COL21A1: variants seen among roughly 807,000 people sequenced by gnomAD.
COL21A1 encodes the protein collagen alpha-1(XXI) chain.
In COL21A1, 149 loss-of-function variants were observed where a neutral mutation model predicts 137.9. The ratio of observed to expected loss-of-function variants is 1.08; its 90% CI spans 0.95 to 1.24. The LOEUF is 1.24. Ranked by LOEUF, COL21A1 falls within the 50% of genes most tolerant of loss-of-function variation. COL21A1 has a pLI of 0.00. For synonymous variants in COL21A1, 456 were observed against 391.5 expected, an observed-to-expected ratio of 1.16 and a Z score of -1.95; for missense variants, 1,167 against 1,158.4, an observed-to-expected ratio of 1.01 and a Z score of -0.11.
chr6:56,150,401 C>T lies in COL21A1; in HGVS notation c.1434+6486G>A, dbSNP rs113285016. Among the ~76,000 whole-genome samples, 756 of 152,164 alleles carry T rather than the reference C, an allele frequency of 5.0e-3. 5 individuals are homozygous for T. The highest frequency in any genetic ancestry group is 0.017 in the African/African-American group (725 of 41,530). ...GGCGTGGTGGCGGGCGCTTGTAGTC[C>T]CAGCTACTGGAGAGGCTGAGGCAGG... On this transcript the variant is annotated intron_variant, in intron 10 of 29. Coordinates refer to ENST00000244728, the MANE Select transcript of COL21A1 (RefSeq NM_030820.4).
chr6:56,202,957 G>A (rs1385706566), intron 1 of COL21A1, among the ~76,000 whole-genome samples: 1 of 152,112 alleles, frequency 6.6e-6, no homozygotes, highest in African/African-American at 2.4e-5. Context: ...GGATTCCATT[G>A]GTGATTTTAA....
intron 1 of COL21A1, among the ~76,000 whole-genome samples, chr6:56,281,117 C>T (rs1162025333): frequency 6.6e-6 from 1 of 152,184 alleles, no homozygotes; most frequent in Non-Finnish European, 1.5e-5. Context: ...ATCTCAAACC[C>T]CTGTCTTCCC....
At chr6:56,190,547 T>A (rs1323434999) in intron 1 of COL21A1, among the ~76,000 whole-genome samples, 1 of 151,916 alleles carries the variant, frequency 6.6e-6, no homozygotes, top group African/African-American at 2.4e-5. Flanking sequence ...CTGAAACAAT[T>A]CCAAACAATA....
chr6:56,259,481 C>T (rs1176769542), intron 1 of COL21A1, among the ~76,000 whole-genome samples: 3 of 152,162 alleles, frequency 2.0e-5, no homozygotes, highest in Non-Finnish European at 4.4e-5. Flanking sequence ...TGGCTGCTTC[C>T]AAATGTTAGG....
At chr6:56,313,234 T>G (rs1233328881) in intron 1 of COL21A1, among the ~76,000 whole-genome samples, 1 of 152,000 alleles carries the variant, frequency 6.6e-6, no homozygotes, top group Non-Finnish European at 1.5e-5. Context: ...AGTCCTCCCT[T>G]ATTTGTGAGG....
intron 1 of COL21A1, among the ~76,000 whole-genome samples, chr6:56,234,451 A>G (rs994769284): frequency 6.6e-6 from 1 of 151,798 alleles, no homozygotes. Context: ...ATTTTCTTTC[A>G]ATATTTTGTC....
intron 16 of COL21A1, among the ~76,000 whole-genome samples, chr6:56,102,950 G>C (rs1314545672): frequency 6.6e-6 from 1 of 152,038 alleles, no homozygotes; most frequent in Non-Finnish European, 1.5e-5. Flanking sequence ...AATATTGGAG[G>C]AAAAAATGTT....
intron 1 of COL21A1, among the ~76,000 whole-genome samples, chr6:56,337,749 C>T (rs985493842): frequency 1.1e-4 from 17 of 152,310 alleles, no homozygotes; most frequent in Admixed American, 9.1e-4. Flanking sequence ...GGCTGTCTTC[C>T]TTGTGTGCTA....
chr6:56,142,003 G>GAA lies in COL21A1; in HGVS notation c.1435-22_1435-21dup. On this transcript the variant is annotated intron_variant, in intron 10 of 29. Coordinates refer to ENST00000244728, the MANE Select transcript of COL21A1 (RefSeq NM_030820.4). ...ATATCCCTAAAGAAAAATTTAAAAA[G>GAA]AAAAAAAATAATATTTCATCATATT... The GAA allele has an allele frequency of 6.8e-7, 1 of 1,466,868 alleles. No homozygotes were observed. Among genetic ancestry groups the GAA allele is most frequent in the Non-Finnish European group, 9.2e-7 (1 of 1,088,590 alleles). The allele number at this position is 1,466,868 out of a possible 1,614,324, so 90.9% of individuals were successfully genotyped here.
intron 22 of COL21A1, among the ~76,000 whole-genome samples, chr6:56,067,690 TC>T (rs2114075171): frequency 6.6e-6 from 1 of 151,814 alleles, no homozygotes; most frequent in African/African-American, 2.4e-5. Context: ...CTGAAAATCT[TC>T]CATTAAGCTA....
chr6:56,237,412 G>A (rs1228943662), intron 1 of COL21A1, among the ~76,000 whole-genome samples: 1 of 152,136 alleles, frequency 6.6e-6, no homozygotes, highest in Non-Finnish European at 1.5e-5. Flanking sequence ...TAAAATGAAA[G>A]AGTAGATAAA....
intron 1 of COL21A1, among the ~76,000 whole-genome samples, chr6:56,368,499 A>G (rs1331930836): frequency 2.6e-5 from 4 of 152,252 alleles, no homozygotes; most frequent in African/African-American, 9.6e-5. Context: ...TACAGTTAGA[A>G]GAAAATCTCG....
At chr6:56,357,414 G>A (rs933789884) in intron 1 of COL21A1, among the ~76,000 whole-genome samples, 1 of 152,152 alleles carries the variant, frequency 6.6e-6, no homozygotes, top group African/African-American at 2.4e-5. Context: ...GCTAACACTG[G>A]TAGCATGACT....
chr6:56,132,779 C>T (rs1051699063), intron 12 of COL21A1, among the ~76,000 whole-genome samples: 12 of 152,108 alleles, frequency 7.9e-5, no homozygotes, highest in African/African-American at 2.2e-4. Flanking sequence ...GGGTCTTTCA[C>T]GTGCTGCTCT....
At chr6:56,075,861 A>G (rs1461816850) in intron 18 of COL21A1, among the ~76,000 whole-genome samples, 2 of 151,514 alleles carry the variant, frequency 1.3e-5, no homozygotes, top group African/African-American at 2.4e-5. Context: ...TTTAAGAAAT[A>G]TGATAGTGAA....
At chr6:56,314,946 C>T (rs577503358) in intron 1 of COL21A1, among the ~76,000 whole-genome samples, 1 of 152,288 alleles carries the variant, frequency 6.6e-6, no homozygotes, top group African/African-American at 2.4e-5. Context: ...AGACAAGAAT[C>T]TCTGGAACCT....
chr6:56,220,357 A>G (rs1780753594), intron 1 of COL21A1, among the ~76,000 whole-genome samples: 1 of 152,184 alleles, frequency 6.6e-6, no homozygotes, highest in Non-Finnish European at 1.5e-5. Context: ...TAGTAGAAGG[A>G]ACAAAGGGAA....
chr6:56,343,285 C>T (rs1161263584), intron 1 of COL21A1, among the ~76,000 whole-genome samples: 1 of 152,110 alleles, frequency 6.6e-6, no homozygotes. Context: ...TTACATTTTA[C>T]CTTCTGCTTT....
At chr6:56,261,131 T>C (rs1763263633) in intron 1 of COL21A1, among the ~76,000 whole-genome samples, 1 of 152,070 alleles carries the variant, frequency 6.6e-6, no homozygotes, top group Non-Finnish European at 1.5e-5. Context: ...TGTGAAGCCG[T>C]GACCTCTCAG....
Sources: gnomAD v4.1 joint callset for allele counts (sites outside exome capture counted in the v4.1 genomes callset) on GRCh38, gnomAD v4.1.1 for gene constraint, MANE v1.5 for transcripts, NCBI Gene and HGNC (gene_info 2026-07-23, HGNC 2026-07-21) for gene names.